The following NAV3 variants were observed in gnomAD, a reference collection of about 807,000 sequenced individuals.
NAV3 encodes neuron navigator 3, also known as pore membrane and/or filament interacting like protein 1.
A neutral mutation model predicts 244.7 loss-of-function variants in NAV3; 87 were observed. The observed-to-expected ratio is 0.36, with a 90% CI of 0.30 to 0.42. NAV3 has a LOEUF of 0.42. NAV3 is among the 20% of genes least tolerant of loss of function. NAV3 has a pLI of 1.00. For missense variants in NAV3, 2,663 were observed against 2,893.3 expected (o/e 0.92, Z 1.83); for synonymous variants, 1,126 against 1,042.2 (o/e 1.08, Z -1.55).
At chr12:77,696,288 T>C (rs905513384) in intron 2 of NAV3, among the ~76,000 whole-genome samples, 1 of 152,206 alleles carries the variant, frequency 6.6e-6, no homozygotes, top group Admixed American at 6.6e-5. Context: ...CATAAGACTG[T>C]GACTTCCGTC....
intron 2 of NAV3, among the ~76,000 whole-genome samples, chr12:77,640,802 G>C (rs1052728140): frequency 7.2e-5 from 11 of 152,206 alleles, no homozygotes; most frequent in East Asian, 1.9e-4. Context: ...TAATTTAAAA[G>C]AGTTTACTGG....
intron 28 of NAV3, 183 bp from the exon 29 acceptor site, chr12:78,179,346 G>T: frequency 1.9e-6 from 1 of 523,710 alleles, no homozygotes; most frequent in Non-Finnish European, 3.2e-6. Context: ...AGCTACTTCC[G>T]TTTTGAACCT....
chr12:78,057,515 T>C (rs373323490), intron 11 of NAV3, among the ~76,000 whole-genome samples: 129 of 152,342 alleles, frequency 8.5e-4, no homozygotes, highest in African/African-American at 3.0e-3. Context: ...TAATGCTTCC[T>C]CTAATTTCAC....
chr12:78,126,861 G>A (rs1290052824), intron 16 of NAV3, among the ~76,000 whole-genome samples: 2 of 152,120 alleles, frequency 1.3e-5, no homozygotes, highest in African/African-American at 4.8e-5. Context: ...CATAGGGAAG[G>A]AAAAACTAAG....
intron 2 of NAV3, among the ~76,000 whole-genome samples, chr12:77,587,156 A>G (rs1446447812): frequency 1.3e-5 from 2 of 152,186 alleles, no homozygotes; most frequent in African/African-American, 4.8e-5. Flanking sequence ...ATAAATTATT[A>G]TCTATAATAA....
chr12:78,041,312 T>C (rs1265344266), intron 9 of NAV3, among the ~76,000 whole-genome samples: 2 of 152,206 alleles, frequency 1.3e-5, no homozygotes, highest in Admixed American at 6.5e-5. Context: ...GTTCAAATGA[T>C]TTGTAAATTC....
chr12:77,854,694 A>T (rs771071744), intron 1 of NAV3, among the ~76,000 whole-genome samples: 1 of 152,176 alleles, frequency 6.6e-6, no homozygotes, highest in Non-Finnish European at 1.5e-5. Flanking sequence ...ATTTCAAATC[A>T]TTTATGCTAA....
At chr12:77,958,635 T>G (rs1393670279) in intron 3 of NAV3, among the ~76,000 whole-genome samples, 3 of 152,208 alleles carry the variant, frequency 2.0e-5, no homozygotes, top group Admixed American at 6.5e-5. Context: ...AATGTATCCA[T>G]GCATTTGGAT....
intron 9 of NAV3, among the ~76,000 whole-genome samples, chr12:78,027,089 T>C (rs565971612): frequency 6.6e-6 from 1 of 152,226 alleles, no homozygotes; most frequent in East Asian, 1.9e-4. Context: ...AGAAGTAATG[T>C]TAGAGTTCAG....
chr12:78,144,641 A>C (rs753451111), intron 20 of NAV3, among the ~76,000 whole-genome samples: 6 of 152,080 alleles, frequency 3.9e-5, no homozygotes, highest in Non-Finnish European at 7.4e-5. Flanking sequence ...TATGCTTGCT[A>C]CTAGTATATG....
intron 1 of NAV3, among the ~76,000 whole-genome samples, chr12:77,857,339 C>T (rs1476149508): frequency 1.3e-5 from 2 of 151,736 alleles, no homozygotes; most frequent in Non-Finnish European, 2.9e-5. Context: ...TCATATATTC[C>T]AAGATTTTGG....
chr12:77,807,650 G>A lies in NAV3; in HGVS notation c.73-132669G>A, dbSNP rs147028118. On this transcript the variant is annotated intron_variant, in intron 2 of 8. Coordinates refer to the NAV3 transcript ENST00000550042. The stretch of plus-strand genomic sequence containing the variant: ...CAACCTTGATGAATCTGACGATTAC[G>A]TGCCTTGGTGTTGCTCTTCTTCAGG... Among the ~76,000 whole-genome samples, 449 of 152,158 alleles carry A rather than the reference G, an allele frequency of 3.0e-3. 3 individuals are homozygous for A. The highest frequency in any genetic ancestry group is 0.01 in the African/African-American group (418 of 41,510).
At chr12:77,917,437 A>T (rs1479002795) in intron 1 of NAV3, among the ~76,000 whole-genome samples, 3 of 152,044 alleles carry the variant, frequency 2.0e-5, no homozygotes, top group Non-Finnish European at 4.4e-5. Flanking sequence ...CAAGAAATGG[A>T]TGAAATACAC....
intron 2 of NAV3, among the ~76,000 whole-genome samples, chr12:77,780,241 C>T (rs780869134): frequency 3.3e-5 from 5 of 152,060 alleles, no homozygotes; most frequent in African/African-American, 9.7e-5. Flanking sequence ...CCAGTAATCC[C>T]GAGGACAAGT....
At chr12:78,140,730 T>C (rs440109) in intron 20 of NAV3, among the ~76,000 whole-genome samples, 50,893 of 151,878 alleles carry the variant, frequency 0.34, 8,812 homozygotes, top group East Asian at 0.48. Context: ...AGTATTTTCT[T>C]CTCATTTTTT....
At chr12:77,931,207 A>G (rs1158206305) in intron 1 of NAV3, among the ~76,000 whole-genome samples, 1 of 151,992 alleles carries the variant, frequency 6.6e-6, no homozygotes, top group Non-Finnish European at 1.5e-5. Context: ...AACCTTCTCA[A>G]TTTATCCTTC....
intron 37 of NAV3, 118 bp downstream of exon 37, chr12:78,199,649 A>T: frequency 1.4e-6 from 1 of 711,652 alleles, no homozygotes; most frequent in Non-Finnish European, 2.1e-6. Flanking sequence ...GCTTCCAAAG[A>T]TTTATTTTTT....
At chr12:78,187,144 T>A (rs1958757236) in intron 31 of NAV3, among the ~76,000 whole-genome samples, 1 of 151,924 alleles carries the variant, frequency 6.6e-6, no homozygotes. Flanking sequence ...AGCTGTGGAT[T>A]TCTCAACTTA....
chr12:78,041,987 G>T (rs544897709), intron 9 of NAV3, among the ~76,000 whole-genome samples: 2 of 150,560 alleles, frequency 1.3e-5, no homozygotes, highest in South Asian at 4.3e-4. Context: ...CTTCCCAGCC[G>T]TCCCATCTAC....
Sources: gnomAD v4.1 joint callset for allele counts (sites outside exome capture counted in the v4.1 genomes callset) on GRCh38, gnomAD v4.1.1 for gene constraint, MANE v1.5 for transcripts, NCBI Gene and HGNC (gene_info 2026-07-23, HGNC 2026-07-21) for gene names.